Variants in CAST observed in about 807,000 individuals in gnomAD.
CAST encodes MIR583 host.
CAST carries 76 observed loss-of-function variants against 119.6 expected under a neutral mutation model. The ratio of observed to expected loss-of-function variants is 0.64; its 90% CI spans 0.53 to 0.77. The LOEUF (loss-of-function observed/expected upper bound fraction) is 0.77. CAST is among the 30% of genes least tolerant of loss of function. The pLI is 0.00. For missense variants in CAST, 953 were observed against 946.5 expected (o/e 1.01, Z -0.09); for synonymous variants, 319 against 331.6 (o/e 0.96, Z 0.41).
the CAST span, among the ~76,000 whole-genome samples, chr5:96,074,465 G>A: frequency 6.6e-6 from 1 of 152,164 alleles, no homozygotes; most frequent in Non-Finnish European, 1.5e-5. Context: ...TGAGAAGGTG[G>A]CCACTACAAG....
chr5:96,063,554 A>G, the CAST span, among the ~76,000 whole-genome samples: 3 of 152,150 alleles, frequency 2.0e-5, no homozygotes, highest in Non-Finnish European at 4.4e-5. Flanking sequence ...TCTGTTTCCC[A>G]AGGAATGCAT....
chr5:96,552,257 A>C (rs1456073083), intron 1 of CAST, among the ~76,000 whole-genome samples: 5 of 152,264 alleles, frequency 3.3e-5, no homozygotes, highest in Admixed American at 6.5e-5. Flanking sequence ...ACTCAGGATT[A>C]AGAATCTCAC....
At chr5:96,214,575 C>T in the CAST span, among the ~76,000 whole-genome samples, 1 of 152,162 alleles carries the variant, frequency 6.6e-6, no homozygotes, top group Non-Finnish European at 1.5e-5. Flanking sequence ...GACATGTTAG[C>T]TACTTACTGT....
chr5:96,036,919 G>C, the CAST span, among the ~76,000 whole-genome samples: 1 of 152,098 alleles, frequency 6.6e-6, no homozygotes, highest in African/African-American at 2.4e-5. Context: ...AAATGTCTGA[G>C]AGCAAACTGT....
the CAST span, among the ~76,000 whole-genome samples, chr5:96,469,971 A>G: frequency 6.6e-6 from 1 of 150,726 alleles, no homozygotes; most frequent in African/African-American, 2.4e-5. Context: ...TATAAACATG[A>G]TGTAAATTAA....
chr5:96,185,415 T>C, the CAST span, among the ~76,000 whole-genome samples: 1 of 152,230 alleles, frequency 6.6e-6, no homozygotes, highest in Non-Finnish European at 1.5e-5. Context: ...CGTTATGAAA[T>C]CTTTGCCCAT....
At chr5:96,409,997 A>G in the CAST span, among the ~76,000 whole-genome samples, 1 of 152,194 alleles carries the variant, frequency 6.6e-6, no homozygotes. Context: ...TTAGATCATG[A>G]CCTGCTATTT....
At chr5:96,658,194 G>A (rs779952775), upstream of CAST, among the ~76,000 whole-genome samples, 3 of 152,134 alleles carry the variant, frequency 2.0e-5, no homozygotes. Context: ...ACAGGAACAC[G>A]GGAGTACTTT....
chr5:96,042,784 C>T, the CAST span, among the ~76,000 whole-genome samples: 14 of 152,092 alleles, frequency 9.2e-5, no homozygotes, highest in African/African-American at 3.4e-4. Flanking sequence ...CTCTGAGCCT[C>T]AGTTTCATAT....
chr5:96,047,123 G>T, the CAST span, among the ~76,000 whole-genome samples: 1 of 152,202 alleles, frequency 6.6e-6, no homozygotes, highest in South Asian at 2.1e-4. Context: ...ACCTGGGAAT[G>T]TCAGACATAT....
chr5:96,471,938 T>C, the CAST span, among the ~76,000 whole-genome samples: 1 of 152,200 alleles, frequency 6.6e-6, no homozygotes, highest in African/African-American at 2.4e-5. Context: ...GCTATTATTT[T>C]AGAGTTATGT....
chr5:96,437,746 C>T, the CAST span, among the ~76,000 whole-genome samples: 9 of 152,092 alleles, frequency 5.9e-5, no homozygotes, highest in Admixed American at 3.3e-4. Flanking sequence ...GTGATTCATA[C>T]GCAATTAAAG....
At chr5:96,193,072 G>A in the CAST span, among the ~76,000 whole-genome samples, 32 of 151,982 alleles carry the variant, frequency 2.1e-4, no homozygotes, top group East Asian at 5.8e-4. Flanking sequence ...TAATACATGC[G>A]TTTAATCAGA....
chr5:96,626,792 C>A (rs74483096), intron 1 of CAST, among the ~76,000 whole-genome samples: 2,988 of 152,274 alleles, frequency 0.02, 109 homozygotes, highest in African/African-American at 0.064. Context: ...TTATCAGGAG[C>A]CCTGTCCTTC....
chr5:96,008,670 T>G, the CAST span, among the ~76,000 whole-genome samples: 1 of 152,172 alleles, frequency 6.6e-6, no homozygotes, highest in Non-Finnish European at 1.5e-5. Context: ...GCCGACTGGT[T>G]CTGAAATAAA....
chr5:96,425,016 G>GA, the CAST span, among the ~76,000 whole-genome samples: 111 of 42,418 alleles, frequency 2.6e-3, no homozygotes, highest in African/African-American at 8.6e-3. Flanking sequence ...AGAAAAGAAA[G>GA]AAAGAAAGAA....
chr5:96,229,868 A>G, the CAST span, among the ~76,000 whole-genome samples: 1 of 152,200 alleles, frequency 6.6e-6, no homozygotes, highest in Non-Finnish European at 1.5e-5. Context: ...ACAAACCATC[A>G]ATAAATTCTT....
chr5:96,663,139 G>A (rs1352901620), intron 1 of CAST: 3 of 702,636 alleles, frequency 4.3e-6, no homozygotes, highest in Admixed American at 2.0e-5. Context: ...TTGTTGCCAT[G>A]GCATTCGCCA....
chr5:96,754,871 T>G, intron 22 of CAST, 130 bp downstream of exon 22: 1 of 616,790 alleles, frequency 1.6e-6, no homozygotes, highest in South Asian at 2.0e-5. Flanking sequence ...CCAAATAGTA[T>G]TAGTCTACTA....
Sources: gnomAD v4.1 joint callset for allele counts (sites outside exome capture counted in the v4.1 genomes callset) on GRCh38, gnomAD v4.1.1 for gene constraint, MANE v1.5 for transcripts, NCBI Gene and HGNC (gene_info 2026-07-23, HGNC 2026-07-21) for gene names.